ARB2A: variants seen among roughly 807,000 people sequenced by gnomAD.
The protein encoded by ARB2A is ARB2 cotranscriptional regulator A.
At chr5:93,828,936 C>G in the ARB2A span, among the ~76,000 whole-genome samples, 15 of 152,092 alleles carry the variant, frequency 9.9e-5, no homozygotes, top group Non-Finnish European at 2.2e-4. Context: ...GCCACCACAC[C>G]TGGCTAATTT....
the ARB2A span, chr5:93,805,658 G>A: frequency 1.0e-6 from 1 of 985,028 alleles, no homozygotes; most frequent in African/African-American, 1.7e-5. Context: ...AGCTGATTAT[G>A]TATAAATTTA....
At chr5:94,069,873 G>A in the ARB2A span, among the ~76,000 whole-genome samples, 4 of 152,130 alleles carry the variant, frequency 2.6e-5, no homozygotes, top group East Asian at 1.9e-4. Context: ...ATGGAAAACA[G>A]TATGGGCATT....
chr5:93,885,934 A>G, the ARB2A span, among the ~76,000 whole-genome samples: 1 of 151,788 alleles, frequency 6.6e-6, no homozygotes, highest in Non-Finnish European at 1.5e-5. Flanking sequence ...CCAACAAATG[A>G]TGGCTTAGGT....
chr5:93,695,586 G>C, the ARB2A span, among the ~76,000 whole-genome samples: 1 of 152,044 alleles, frequency 6.6e-6, no homozygotes, highest in Non-Finnish European at 1.5e-5. Context: ...CACTGTTGGT[G>C]GGAGTGTAAA....
the ARB2A span, among the ~76,000 whole-genome samples, chr5:94,040,920 G>C: frequency 6.6e-6 from 1 of 152,108 alleles, no homozygotes; most frequent in Non-Finnish European, 1.5e-5. Context: ...TTTTGCTCTG[G>C]CCAGAAAGGA....
the ARB2A span, among the ~76,000 whole-genome samples, chr5:94,099,708 T>G: frequency 6.8e-6 from 1 of 147,236 alleles, no homozygotes; most frequent in African/African-American, 2.5e-5. Context: ...AAAAGCCATA[T>G]GATAATCTGA....
the ARB2A span, among the ~76,000 whole-genome samples, chr5:93,908,676 T>G: frequency 6.6e-6 from 1 of 150,940 alleles, no homozygotes; most frequent in African/African-American, 2.4e-5. Flanking sequence ...ATGATAAAGT[T>G]TTTTTTTACA....
chr5:93,628,576 G>A, the ARB2A span, among the ~76,000 whole-genome samples: 2 of 152,156 alleles, frequency 1.3e-5, no homozygotes, highest in Non-Finnish European at 2.9e-5. Context: ...ATTTAGTGTA[G>A]CCACCTTCAT....
chr5:94,060,659 TAGA>T, the ARB2A span, among the ~76,000 whole-genome samples: 1 of 152,164 alleles, frequency 6.6e-6, no homozygotes, highest in African/African-American at 2.4e-5. Flanking sequence ...TAAATCATGT[TAGA>T]AGATCAGTAT....
chr5:94,068,546 G>A, the ARB2A span, among the ~76,000 whole-genome samples: 9 of 152,290 alleles, frequency 5.9e-5, no homozygotes, highest in Middle Eastern at 3.4e-3. Context: ...CTGCCAGTTC[G>A]AATGCCTGGG....
chr5:93,637,375 T>G, the ARB2A span, among the ~76,000 whole-genome samples: 13 of 142,360 alleles, frequency 9.1e-5, no homozygotes, highest in Non-Finnish European at 2.0e-4. Flanking sequence ...TTTTTTTTTT[T>G]GACTATTATG....
At chr5:94,047,708 T>A in the ARB2A span, among the ~76,000 whole-genome samples, 7 of 152,088 alleles carry the variant, frequency 4.6e-5, no homozygotes, top group Non-Finnish European at 8.8e-5. Flanking sequence ...TGCCTCCATA[T>A]ATCCAAAGAA....
At chr5:94,089,842 C>A in the ARB2A span, among the ~76,000 whole-genome samples, 1 of 152,138 alleles carries the variant, frequency 6.6e-6, no homozygotes, top group Non-Finnish European at 1.5e-5. Flanking sequence ...ACAATAGATG[C>A]CAGGCTTCTG....
the ARB2A span, among the ~76,000 whole-genome samples, chr5:93,648,324 A>G: frequency 6.6e-6 from 1 of 152,194 alleles, no homozygotes; most frequent in Non-Finnish European, 1.5e-5. Context: ...ACATTATGTT[A>G]GTAAAAACAT....
At chr5:93,931,414 A>G in the ARB2A span, among the ~76,000 whole-genome samples, 1 of 152,204 alleles carries the variant, frequency 6.6e-6, no homozygotes, top group African/African-American at 2.4e-5. Flanking sequence ...CAGTGAGCCA[A>G]GATTGCGCCA....
the ARB2A span, among the ~76,000 whole-genome samples, chr5:94,100,699 A>G: frequency 6.6e-6 from 1 of 152,218 alleles, no homozygotes; most frequent in Non-Finnish European, 1.5e-5. Flanking sequence ...AAGACTCCCT[A>G]TTCAAAAAAT....
At chr5:93,671,602 G>T in the ARB2A span, among the ~76,000 whole-genome samples, 1 of 151,954 alleles carries the variant, frequency 6.6e-6, no homozygotes, top group South Asian at 2.1e-4. Context: ...TTAAAAAAAT[G>T]AAGCAAAATT....
At chr5:93,965,619 A>G in the ARB2A span, among the ~76,000 whole-genome samples, 1 of 152,046 alleles carries the variant, frequency 6.6e-6, no homozygotes, top group Non-Finnish European at 1.5e-5. Context: ...CAAATATTAA[A>G]TAGATGGTAC....
chr5:93,776,419 C>T, the ARB2A span, among the ~76,000 whole-genome samples: 1 of 152,068 alleles, frequency 6.6e-6, no homozygotes, highest in Non-Finnish European at 1.5e-5. Context: ...ATTAACATGA[C>T]TCTGAAAAAG....
Sources: allele counts gnomAD v4.1 joint callset (sites outside exome capture counted in the v4.1 genomes callset), GRCh38; gene constraint gnomAD v4.1.1; transcripts MANE v1.5; gene names NCBI Gene and HGNC (gene_info 2026-07-23, HGNC 2026-07-21).